IL1RAPL1: variants seen among roughly 807,000 people sequenced by gnomAD.
IL1RAPL1 encodes the protein interleukin 1 receptor accessory protein like 1.
In IL1RAPL1, 3 loss-of-function variants were observed where a neutral mutation model predicts 48.4. That is an observed-to-expected ratio of 0.06 (90% CI 0.03 to 0.16). The LOEUF is 0.16. Among genes scored for constraint, IL1RAPL1 ranks in the 10% least tolerant of loss-of-function variants. The pLI, the probability that IL1RAPL1 is intolerant of heterozygous loss-of-function variation, is 1.00. For missense variants in IL1RAPL1, 349 were observed against 530.6 expected (o/e 0.66, Z 3.36); for synonymous variants, 185 against 187.7 (o/e 0.99, Z 0.12).
chrX:29,582,221 C>T (rs1443358845), intron 5 of IL1RAPL1, among the ~76,000 whole-genome samples: 3 of 110,902 alleles, frequency 2.7e-5, no homozygotes, highest in African/African-American at 9.8e-5. Context: ...ACTGGGTAAA[C>T]CCCAAGTTAT....
intron 1 of IL1RAPL1, among the ~76,000 whole-genome samples, chrX:28,724,694 T>C (rs1039828365): frequency 4.5e-5 from 5 of 111,580 alleles, no homozygotes; most frequent in Admixed American, 3.8e-4. Context: ...CTAGCCTCGA[T>C]GGTCTTTAAA....
At chrX:28,722,326 A>G (rs1490264083) in intron 1 of IL1RAPL1, among the ~76,000 whole-genome samples, 403 of 110,742 alleles carry the variant, frequency 3.6e-3, no homozygotes, top group Non-Finnish European at 5.8e-3. Context: ...TTGTAAGTTG[A>G]ATTCCTAGGT....
chrX:29,278,930 C>T (rs755832723), intron 2 of IL1RAPL1, among the ~76,000 whole-genome samples: 2 of 112,238 alleles, frequency 1.8e-5, no homozygotes, highest in African/African-American at 3.2e-5. Flanking sequence ...TACATACTGA[C>T]GTATTTGGGG....
rs184288992 is a variant in IL1RAPL1 at position 29,313,153 on chromosome X, A to G, written c.362+29936A>G. Among the ~76,000 whole-genome samples the G allele has an allele frequency of 1.9e-4, 21 of 111,586 alleles. 1 individual carries two copies. The highest frequency in any genetic ancestry group is 3.8e-4 in the South Asian group (1 of 2,625). ...CACAGAGAGGTTTAAATTTCTCTAT[A>G]TAATCTACAGTCTTCTCAAAATAGC... On this transcript the variant is annotated intron_variant, in intron 3 of 10. Transcript: ENST00000378993.
intron 5 of IL1RAPL1, among the ~76,000 whole-genome samples, chrX:29,611,909 T>C (rs964751037): frequency 1.8e-5 from 2 of 111,238 alleles, no homozygotes; most frequent in Non-Finnish European, 3.8e-5. Context: ...GTCCCCGGCC[T>C]AACTCCTATT....
chrX:29,426,443 G>C (rs1459012584), intron 5 of IL1RAPL1, among the ~76,000 whole-genome samples: 1 of 111,262 alleles, frequency 9.0e-6, no homozygotes, highest in Non-Finnish European at 1.9e-5. Context: ...CTTGAGCCAA[G>C]TTTTGAACTC....
At chrX:29,190,485 G>T (rs1930331813) in intron 2 of IL1RAPL1, among the ~76,000 whole-genome samples, 1 of 112,119 alleles carries the variant, frequency 8.9e-6, no homozygotes, top group Non-Finnish European at 1.9e-5. Context: ...AGTCAAAGTT[G>T]TTGTGAACAT....
intron 2 of IL1RAPL1, among the ~76,000 whole-genome samples, chrX:29,090,751 G>C (rs1928071476): frequency 1.8e-5 from 2 of 111,818 alleles, no homozygotes; most frequent in Admixed American, 1.9e-4. Flanking sequence ...AAAATGAAAA[G>C]AATAAGGTGG....
intron 2 of IL1RAPL1, among the ~76,000 whole-genome samples, chrX:29,038,285 G>A (rs1284054252): frequency 9.0e-6 from 1 of 111,438 alleles, no homozygotes; most frequent in East Asian, 2.8e-4. Flanking sequence ...TCTATTTACT[G>A]TTTGTAGGTT....
chrX:29,728,527 C>T (rs1057312795), intron 6 of IL1RAPL1, among the ~76,000 whole-genome samples: 9 of 111,984 alleles, frequency 8.0e-5, no homozygotes, highest in Admixed American at 7.6e-4. Flanking sequence ...GATTTTAGAA[C>T]AGAAAATATT....
Position 29,375,777 on chromosome X carries a change from T to C in IL1RAPL1, c.363-20481T>C, listed in dbSNP as rs751113059. On this transcript the variant is annotated intron_variant, in intron 3 of 10. Transcript: ENST00000378993. Reference sequence around the variant, plus strand: ...ATTCAGAGTTTTAATCTCTTCTTGATTCAGTCTTGGGAGATTGTGTGTTTT... The same window carrying C: ...ATTCAGAGTTTTAATCTCTTCTTGACTCAGTCTTGGGAGATTGTGTGTTTT... Among the ~76,000 whole-genome samples, 11 of 112,542 alleles carry C rather than the reference T, an allele frequency of 9.8e-5. No homozygotes were observed. In the South Asian group the frequency reaches 3.3e-3, roughly 34 times the overall value.
chrX:29,701,997 G>A (rs111527133), intron 6 of IL1RAPL1, among the ~76,000 whole-genome samples: 3 of 111,783 alleles, frequency 2.7e-5, no homozygotes, highest in African/African-American at 6.5e-5. Context: ...GCTCATGCCT[G>A]TAATCCCAGC....
intron 1 of IL1RAPL1, among the ~76,000 whole-genome samples, chrX:28,732,394 T>C (rs16988314): frequency 2.4e-4 from 27 of 111,858 alleles, no homozygotes; most frequent in African/African-American, 8.4e-4. Context: ...CTGAAAGAGT[T>C]GGAATTTTGC....
chrX:29,038,579 G>C (rs5985945), intron 2 of IL1RAPL1, among the ~76,000 whole-genome samples: 20,789 of 110,613 alleles, frequency 0.19, 1,584 homozygotes, highest in Non-Finnish European at 0.23. Context: ...CATGCTTCTG[G>C]AGTGGGGGCC....
At chrX:29,015,736 A>C (rs1045147382) in intron 2 of IL1RAPL1, among the ~76,000 whole-genome samples, 1 of 111,095 alleles carries the variant, frequency 9.0e-6, no homozygotes, top group African/African-American at 3.3e-5. Flanking sequence ...TCAAAAGTCT[A>C]ATGTTCTTTG....
intron 9 of IL1RAPL1, among the ~76,000 whole-genome samples, chrX:29,945,084 G>A (rs1037626635): frequency 5.4e-5 from 6 of 111,291 alleles, no homozygotes; most frequent in Admixed American, 9.5e-5. Context: ...ACAAATCCTC[G>A]CCCTTCTCAG....
At chrX:29,126,160 A>C (rs1928895737) in intron 2 of IL1RAPL1, among the ~76,000 whole-genome samples, 1 of 111,837 alleles carries the variant, frequency 8.9e-6, no homozygotes, top group African/African-American at 3.2e-5. Flanking sequence ...ACAGACTGTC[A>C]AAAGCCAACA....
chrX:29,543,590 A>G (rs1457146672), intron 5 of IL1RAPL1, among the ~76,000 whole-genome samples: 3 of 63,119 alleles, frequency 4.8e-5, no homozygotes, highest in Non-Finnish European at 8.7e-5. Flanking sequence ...TAAACAAAAG[A>G]CATATATATA....
chrX:28,720,008 G>A (rs888347521), intron 1 of IL1RAPL1, among the ~76,000 whole-genome samples: 1 of 111,020 alleles, frequency 9.0e-6, no homozygotes, highest in Non-Finnish European at 1.9e-5. Context: ...AAAATATGAT[G>A]TAAAAGAAAT....
Sources: allele counts gnomAD v4.1 joint callset (sites outside exome capture counted in the v4.1 genomes callset), GRCh38; gene constraint gnomAD v4.1.1; transcripts MANE v1.5; gene names NCBI Gene and HGNC (gene_info 2026-07-23, HGNC 2026-07-21).